The following WDPCP variants were observed in gnomAD, a reference collection of about 807,000 sequenced individuals.
The protein encoded by WDPCP is WD repeat containing planar cell polarity effector, also known as WD repeat-containing and planar cell polarity effector protein fritz homolog.
WDPCP carries 71 observed loss-of-function variants against 93.1 expected under a neutral mutation model. That is an observed-to-expected ratio of 0.76 (90% CI 0.63 to 0.93). The LOEUF (loss-of-function observed/expected upper bound fraction) is 0.93, where lower values mean the gene tolerates loss of function less well. Among genes scored for constraint, WDPCP ranks in the 40% least tolerant of loss-of-function variants. The pLI, the probability that WDPCP is intolerant of heterozygous loss-of-function variation, is 0.00. For missense variants in WDPCP, 844 were observed against 887.4 expected (o/e 0.95, Z 0.62); for synonymous variants, 315 against 315.0 (o/e 1.00, Z 0.00).
chr2:63,464,571 G>C (rs1054071626), intron 6 of WDPCP, among the ~76,000 whole-genome samples: 13 of 151,896 alleles, frequency 8.6e-5, no homozygotes, highest in African/African-American at 3.1e-4. Flanking sequence ...GTCTTGAAGA[G>C]ATATTTGCAC....
intron 2 of WDPCP, among the ~76,000 whole-genome samples, chr2:63,803,382 T>G (rs1001003501): frequency 6.6e-6 from 1 of 152,184 alleles, no homozygotes; most frequent in African/African-American, 2.4e-5. Flanking sequence ...TATTTCTTTT[T>G]GGGAGAATTT....
chr2:63,792,970 T>G (rs1670565343), intron 2 of WDPCP, among the ~76,000 whole-genome samples: 1 of 151,950 alleles, frequency 6.6e-6, no homozygotes, highest in African/African-American at 2.4e-5. Context: ...TGTTTGACAA[T>G]TCCTCCTTCC....
At chr2:63,183,275 A>ACTTCCCT (rs1164667667) in intron 14 of WDPCP, among the ~76,000 whole-genome samples, 4 of 151,622 alleles carry the variant, frequency 2.6e-5, no homozygotes, top group African/African-American at 9.7e-5. Context: ...AATGCTATAA[A>ACTTCCCT]CTTCCCTCTT....
chr2:63,225,368 T>C (rs1391430511), intron 14 of WDPCP, among the ~76,000 whole-genome samples: 12 of 151,302 alleles, frequency 7.9e-5, no homozygotes, highest in African/African-American at 2.9e-4. Flanking sequence ...TGGTTGGGGG[T>C]TGAGGATACC....
At chr2:63,646,074 C>T (rs186001670) in intron 3 of WDPCP, among the ~76,000 whole-genome samples, 171 of 152,234 alleles carry the variant, frequency 1.1e-3, no homozygotes, top group Admixed American at 3.1e-3. Context: ...GTTTTCTCTT[C>T]CTTCTTTCTT....
At chr2:63,212,937 T>A (rs1030507644) in intron 14 of WDPCP, among the ~76,000 whole-genome samples, 19 of 152,158 alleles carry the variant, frequency 1.2e-4, no homozygotes, top group Non-Finnish European at 2.6e-4. Flanking sequence ...CCTAAATATA[T>A]ATGCACCCAG....
At chr2:63,232,053 C>A (rs1308864808) in intron 14 of WDPCP, among the ~76,000 whole-genome samples, 1 of 152,148 alleles carries the variant, frequency 6.6e-6, no homozygotes, top group East Asian at 1.9e-4. Context: ...TGGTCTTTGA[C>A]AAACCTGACA....
intron 6 of WDPCP, among the ~76,000 whole-genome samples, chr2:63,475,289 C>T (rs1051714817): frequency 6.6e-6 from 1 of 151,924 alleles, no homozygotes; most frequent in African/African-American, 2.4e-5. Flanking sequence ...GGTACATTTC[C>T]CCTGACTAGG....
At chr2:63,285,882 T>A (rs969894550) in intron 13 of WDPCP, among the ~76,000 whole-genome samples, 1 of 152,220 alleles carries the variant, frequency 6.6e-6, no homozygotes, top group Non-Finnish European at 1.5e-5. Flanking sequence ...AACTTCACTG[T>A]TAACCAACTG....
chr2:63,542,732 A>C (rs988704192), intron 1 of WDPCP, among the ~76,000 whole-genome samples: 4 of 152,174 alleles, frequency 2.6e-5, no homozygotes, highest in African/African-American at 9.7e-5. Context: ...ATCATCAAAC[A>C]AACCATGAGC....
At chr2:63,831,754 T>A (rs772569961), upstream of WDPCP, among the ~76,000 whole-genome samples, 4 of 152,084 alleles carry the variant, frequency 2.6e-5, no homozygotes, top group South Asian at 2.1e-4. Flanking sequence ...TTTTTTAACA[T>A]CAAAACCAAT....
At chr2:63,314,145 G>A (rs1292889153) in intron 12 of WDPCP, among the ~76,000 whole-genome samples, 1 of 148,686 alleles carries the variant, frequency 6.7e-6, no homozygotes, top group Non-Finnish European at 1.5e-5. Flanking sequence ...CCAAAGTGCT[G>A]CGATTACAGG....
chr2:63,744,177 T>C (rs1392873377), intron 2 of WDPCP, among the ~76,000 whole-genome samples: 2 of 152,102 alleles, frequency 1.3e-5, no homozygotes, highest in African/African-American at 4.8e-5. Context: ...TTAGCTGCAT[T>C]GCACTTTTTC....
intron 13 of WDPCP, 46 bp from the exon 14 acceptor site, chr2:63,259,455 G>T: frequency 6.8e-7 from 1 of 1,473,180 alleles, no homozygotes. Context: ...AATGAACCTT[G>T]CCCAAGTTAC....
chr2:63,802,104 T>C (rs1670704380), intron 2 of WDPCP, among the ~76,000 whole-genome samples: 2 of 151,990 alleles, frequency 1.3e-5, no homozygotes, highest in African/African-American at 4.8e-5. Context: ...TCCTCTATTT[T>C]TTCTGAATGA....
At chr2:63,498,480 T>A (rs1409623582) in intron 1 of WDPCP, among the ~76,000 whole-genome samples, 1 of 152,192 alleles carries the variant, frequency 6.6e-6, no homozygotes, top group Non-Finnish European at 1.5e-5. Flanking sequence ...CCAATTTGGG[T>A]TACACTAGAG....
intron 1 of WDPCP, among the ~76,000 whole-genome samples, chr2:63,580,039 T>G (rs954912123): frequency 6.6e-6 from 1 of 152,138 alleles, no homozygotes; most frequent in African/African-American, 2.4e-5. Context: ...TGCCATGAGA[T>G]GACCCTCACC....
intron 3 of WDPCP, among the ~76,000 whole-genome samples, chr2:63,646,630 G>C (rs1322637475): frequency 6.6e-6 from 1 of 152,024 alleles, no homozygotes; most frequent in Non-Finnish European, 1.5e-5. Context: ...GCTTGGTAAA[G>C]TTTTTAATTT....
chr2:63,369,800 TC>T (rs1691231762), intron 12 of WDPCP, among the ~76,000 whole-genome samples: 2 of 152,266 alleles, frequency 1.3e-5, no homozygotes, highest in African/African-American at 4.8e-5. Context: ...ATCATGATAT[TC>T]CCTTTTTAAC....
Sources: gnomAD v4.1 joint callset for allele counts (sites outside exome capture counted in the v4.1 genomes callset) on GRCh38, gnomAD v4.1.1 for gene constraint, MANE v1.5 for transcripts, NCBI Gene and HGNC (gene_info 2026-07-23, HGNC 2026-07-21) for gene names.